The following ORC2 variants were observed in gnomAD, a reference collection of about 807,000 sequenced individuals.
ORC2 encodes the protein origin recognition complex subunit 2, also known as origin recognition complex protein 2 homolog.
ORC2 carries 37 observed loss-of-function variants against 77.7 expected under a neutral mutation model. The observed-to-expected ratio is 0.48, with a 90% confidence interval of 0.37 to 0.63. The LOEUF (loss-of-function observed/expected upper bound fraction) is 0.63. ORC2 is among the 20% of genes least tolerant of loss of function. ORC2 has a pLI of 0.00. For missense variants in ORC2, 557 were observed against 661.9 expected (o/e 0.84, Z 1.74); for synonymous variants, 201 against 229.5 (o/e 0.88, Z 1.12).
rs2040549787 is a variant in ORC2 at position 200,911,404 on chromosome 2, T to G, written c.1648-17A>C. On this transcript the variant is annotated splice_polypyrimidine_tract_variant and intron_variant, in intron 17 of 17. Transcript: ENST00000234296. ...ATCAGTTCCCTGAAAGATTTAAGAA[T>G]ACCTGTACGTTAGTCATTCATAAGA... The G allele has an allele frequency of 1.5e-6, 2 of 1,360,338 alleles. No individual in the cohort carries two copies. The highest frequency in any genetic ancestry group is 2.3e-5 in the South Asian group (2 of 85,876). The allele number at this position is 1,360,338 out of a possible 1,614,324, so 84.3% of individuals were successfully genotyped here. A position where few individuals can be genotyped will look rare whatever the true frequency, so the allele number is the denominator to read the frequency against.
intron 5 of ORC2, among the ~76,000 whole-genome samples, chr2:200,947,012 C>G (rs2041262262): frequency 6.6e-6 from 1 of 152,042 alleles, no homozygotes. Context: ...AAGTGATTCT[C>G]CTGCCTCAGC....
At chr2:200,950,815 G>T (rs556375684) in intron 4 of ORC2, among the ~76,000 whole-genome samples, 5 of 151,962 alleles carry the variant, frequency 3.3e-5, no homozygotes, top group Non-Finnish European at 7.3e-5. Context: ...CTTTCCTAGT[G>T]ATCTGTATTT....
At chr2:200,939,998 A>C (rs1453999747) in intron 7 of ORC2, among the ~76,000 whole-genome samples, 1 of 152,238 alleles carries the variant, frequency 6.6e-6, no homozygotes, top group African/African-American at 2.4e-5. Context: ...ACATTCCTGC[A>C]CAGGCCATAA....
intron 16 of ORC2, 133 bp from the exon 17 acceptor site, chr2:200,913,546 G>A (rs1450550254): frequency 3.0e-6 from 4 of 1,354,174 alleles, no homozygotes; most frequent in Non-Finnish European, 3.8e-6. Flanking sequence ...GTATTGATAG[G>A]ACTTTTAAAG....
chr2:200,963,056 G>C (rs2041610840), intron 1 of ORC2: 1 of 160,392 alleles, frequency 6.2e-6, no homozygotes, highest in Admixed American at 6.5e-5. Flanking sequence ...TACCTCACAG[G>C]GCACTTTACC....
At position 200,909,750 on chromosome 2, in the gene ORC2, AC is replaced by A. The variant is rs1221477449; in HGVS notation, c.*1550del. ...AAGCCCATGGACTTAACATAAAATT[AC>A]TTTTTAAAAAAATGATTTAAAAAAA... On this transcript the variant is annotated 3_prime_UTR_variant, in exon 18 of 18. Coordinates refer to ENST00000234296, the MANE Select transcript of ORC2 (RefSeq NM_006190.5). The A allele has an allele frequency of 6.7e-6, 1 of 149,738 alleles. No individual in the cohort carries two copies. The highest frequency in any genetic ancestry group is 1.9e-4 in the East Asian group (1 of 5,136). 9.3% of individuals were successfully genotyped at this position (149,738 alleles called of 1,614,324 possible).
chr2:200,911,051 C>A lies in ORC2; in HGVS notation c.*250G>T. ...TCCCTGAGCACACTGTTCATTCCAG[C>A]AAGAAGTCTCCAGAGAGGTAATGAA... is the stretch of plus-strand genomic sequence containing the variant. On this transcript the variant is annotated 3_prime_UTR_variant, in exon 18 of 18. Coordinates refer to ENST00000234296, the MANE Select transcript of ORC2 (RefSeq NM_006190.5). The A allele has an allele frequency of 2.8e-6, 1 of 356,546 alleles. No homozygotes were observed. Among genetic ancestry groups the A allele is most frequent in the Middle Eastern group, 8.5e-4 (1 of 1,180 alleles). The allele number at this position is 356,546 out of a possible 1,614,324, so 22.1% of individuals were successfully genotyped here. A position where few individuals can be genotyped will look rare whatever the true frequency, so the allele number is the denominator to read the frequency against.
intron 5 of ORC2, among the ~76,000 whole-genome samples, chr2:200,944,933 A>C (rs116178021): frequency 7.9e-5 from 12 of 152,210 alleles, no homozygotes; most frequent in Non-Finnish European, 1.5e-4. Flanking sequence ...TCAGCAAGCT[A>C]TAAGTCTATG....
intron 10 of ORC2, among the ~76,000 whole-genome samples, chr2:200,932,362 CAG>C (rs1317411380): frequency 8.4e-6 from 1 of 118,722 alleles, no homozygotes; most frequent in Non-Finnish European, 1.6e-5. Flanking sequence ...TTTTTTGAGA[CAG>C]AGTCTTGCTC....
intron 11 of ORC2, among the ~76,000 whole-genome samples, chr2:200,930,176 C>A (rs1351932176): frequency 1.3e-5 from 2 of 151,936 alleles, no homozygotes; most frequent in Non-Finnish European, 2.9e-5. Flanking sequence ...TTATGTGATG[C>A]TCTCTGGCAA....
intron 4 of ORC2, among the ~76,000 whole-genome samples, chr2:200,952,982 C>T (rs979408490): frequency 1.3e-5 from 2 of 151,362 alleles, no homozygotes; most frequent in African/African-American, 2.4e-5. Flanking sequence ...CATGGTGGTC[C>T]GCACCTGTAG....
At chr2:200,938,611 A>C (rs1394526382) in intron 7 of ORC2, among the ~76,000 whole-genome samples, 1 of 152,238 alleles carries the variant, frequency 6.6e-6, no homozygotes, top group Non-Finnish European at 1.5e-5. Flanking sequence ...ATATACCTGT[A>C]AATTTCTAAT....
At chr2:200,957,233 T>G (rs2041483147) in intron 4 of ORC2, among the ~76,000 whole-genome samples, 168 bp downstream of exon 4, 1 of 152,180 alleles carries the variant, frequency 6.6e-6, no homozygotes, top group Admixed American at 6.5e-5. Flanking sequence ...TGTGCAGGAC[T>G]GGTTGTTAAA....
intron 13 of ORC2, 188 bp from the exon 14 acceptor site, chr2:200,921,327 GT>G (rs16841498): frequency 2.4e-5 from 8 of 331,844 alleles, no homozygotes; most frequent in Non-Finnish European, 3.8e-5. Context: ...CTGGCTAATT[GT>G]TTTTTTGGTA....
rs2040831138 is a variant in ORC2 at position 200,925,906 on chromosome 2, G to T, written c.1077C>A (p.Val359=). 3.2e-6 allele frequency: 5 copies of T among 1,586,766 alleles called. No individual in the cohort carries two copies. Among genetic ancestry groups the T allele is most frequent in the Non-Finnish European group, 4.3e-6 (5 of 1,158,832 alleles). Reference sequence around the variant, plus strand: ...TGCGGAAAGTACCCATATGATCGAGGACTTCTTCTGTTATAGAATTCAGGA... The same window carrying T: ...TGCGGAAAGTACCCATATGATCGAGTACTTCTTCTGTTATAGAATTCAGGA... ...KSVLNSITEE[V]LDHMGTFRSI... The change falls in exon 13 of 18, where the codon GTC becomes GTA. Residue 359 remains valine, a synonymous_variant. Coordinates refer to ENST00000234296, the MANE Select transcript of ORC2 (RefSeq NM_006190.5).
intron 4 of ORC2, among the ~76,000 whole-genome samples, 179 bp from the exon 5 acceptor site, chr2:200,949,822 AT>A (rs2041319257): frequency 1.3e-5 from 2 of 152,218 alleles, no homozygotes; most frequent in African/African-American, 4.8e-5. Flanking sequence ...AACTGTTTAT[AT>A]AAGTTTTAAC....
At chr2:200,923,633 G>A (rs1195498477) in intron 13 of ORC2, among the ~76,000 whole-genome samples, 2 of 152,098 alleles carry the variant, frequency 1.3e-5, no homozygotes, top group African/African-American at 4.8e-5. Flanking sequence ...CATAACTGAA[G>A]GAAGTTTATA....
At position 200,942,833 on chromosome 2, in the gene ORC2, G is replaced by A. The variant is rs528993249; in HGVS notation, c.329-56C>T. 16 of 1,019,610 alleles carry A rather than the reference G, an allele frequency of 1.6e-5. 1 individual carries two copies. The South Asian group carries it at 2.3e-4, about 15-fold the overall frequency. 63.2% of individuals were successfully genotyped at this position (1,019,610 alleles called of 1,614,324 possible). A position where few individuals can be genotyped will look rare whatever the true frequency, so the allele number is the denominator to read the frequency against. On this transcript the variant is annotated intron_variant, in intron 5 of 17. Coordinates refer to ENST00000234296, the MANE Select transcript of ORC2 (RefSeq NM_006190.5). ...TAAAGGACAACAGTAGATAAAGAGG[G>A]AAATAACCTTATTACGCTTACAAAA...
chr2:200,914,653 C>T (rs949111394), intron 15 of ORC2, among the ~76,000 whole-genome samples: 1 of 152,026 alleles, frequency 6.6e-6, no homozygotes, highest in Non-Finnish European at 1.5e-5. Context: ...CTGGTATGCG[C>T]CTATGGTCTC....
Sources: allele counts gnomAD v4.1 joint callset (sites outside exome capture counted in the v4.1 genomes callset), GRCh38; gene constraint gnomAD v4.1.1; transcripts MANE v1.5; gene names NCBI Gene and HGNC (gene_info 2026-07-23, HGNC 2026-07-21).